The following BCAP31 variants were observed in gnomAD, a reference collection of about 807,000 sequenced individuals.
The protein encoded by BCAP31 is B-cell receptor-associated protein 31.
For missense variants in BCAP31, 124 were observed against 193.0 expected, an observed-to-expected ratio of 0.64 and a Z score of 2.12; for synonymous variants, 75 against 80.9, an observed-to-expected ratio of 0.93 and a Z score of 0.39.
In BCAP31 at chrX:153,721,468, G is replaced by A. The variant is rs1557051072; in HGVS notation, c.93-496C>T. ...AAAAAAAAAAAAGATGCTGGTCCACGTATAGATCAAAATGTCTGGAAAACT... is the reference window on the plus strand; with the variant it reads ...AAAAAAAAAAAAGATGCTGGTCCACATATAGATCAAAATGTCTGGAAAACT... On this transcript the variant is annotated intron_variant, in intron 2 of 7. Transcript: ENST00000345046. 3.0e-5 allele frequency among the ~76,000 whole-genome samples: 3 copies of A among 101,236 alleles called. 1 individual carries two copies. The highest frequency in any genetic ancestry group is 6.0e-5 in the Non-Finnish European group (3 of 49,856). The allele number at this position is 101,236 out of a possible 115,157, so 87.9% of individuals were successfully genotyped here.
At chrX:153,706,637 T>A (rs2091556791) in intron 4 of BCAP31, among the ~76,000 whole-genome samples, 1 of 112,807 alleles carries the variant, frequency 8.9e-6, no homozygotes, top group Non-Finnish European at 1.9e-5. Context: ...CCCAGACTCA[T>A]ACCTAACCTC....
At position 153,701,180 on chromosome X, in the gene BCAP31, G is replaced by T. The variant is rs1283736879; in HGVS notation, c.703-205C>A. Among the ~76,000 whole-genome samples, 3 of 112,417 alleles carry T rather than the reference G, an allele frequency of 2.7e-5. No individual in the cohort carries two copies. In the Admixed American group the frequency reaches 2.8e-4, roughly 10 times the overall value. ...AGCCCTGGCCCACGCTCTAGGGAAAGCCCTGGACCTAACGCCAGCCAGGGA... is the reference window on the plus strand; with the variant it reads ...AGCCCTGGCCCACGCTCTAGGGAAATCCCTGGACCTAACGCCAGCCAGGGA... On this transcript the variant is annotated intron_variant, in intron 7 of 7. Coordinates refer to ENST00000345046, the MANE Select transcript of BCAP31 (RefSeq NM_001256447.2).
At chrX:153,716,427 G>C (rs782326218) in intron 3 of BCAP31, among the ~76,000 whole-genome samples, 1 of 108,472 alleles carries the variant, frequency 9.2e-6, no homozygotes, top group Admixed American at 1.0e-4. Context: ...TGCCTGCTCC[G>C]GGGACCTAAG....
At position 153,723,189 on chromosome X, in the gene BCAP31, A is replaced by G. The variant is rs1557051447; in HGVS notation, c.56T>C (p.Val19Ala). ...AATGAAGGGAATGCAGAGAAGCAACACAACAAAGACCTCCGCATAGAGGAA... is the reference window on the plus strand; with the variant it reads ...AATGAAGGGAATGCAGAGAAGCAACGCAACAAAGACCTCCGCATAGAGGAA... ...ATFLYAEVFV[V>A]LLLCIPFISP... Residue 19 changes from valine (V) to alanine (A), a missense_variant, in exon 2 of 8, where the codon GTG becomes GCG. Coordinates refer to ENST00000345046, the MANE Select transcript of BCAP31 (RefSeq NM_001256447.2). The G allele has an allele frequency of 8.3e-7, 1 of 1,211,034 alleles. No individual in the cohort carries two copies. Among genetic ancestry groups the G allele is most frequent in the Admixed American group, 2.2e-5 (1 of 46,002 alleles).
intron 1 of BCAP31, chrX:153,723,687 G>A (rs782436464): frequency 8.7e-7 from 1 of 1,151,728 alleles, no homozygotes; most frequent in South Asian, 1.9e-5. Flanking sequence ...TCCCCGCCAG[G>A]CAGAACTCAG....
chrX:153,712,411 T>G, intron 4 of BCAP31, among the ~76,000 whole-genome samples: 1 of 7,626 alleles, frequency 1.3e-4, no homozygotes, highest in East Asian at 0.25. Context: ...TCAAAAAAAA[T>G]AAATAAATAA....
At chrX:153,711,167 GCGTCCTCGATTC>G (rs1557049100) in intron 4 of BCAP31, among the ~76,000 whole-genome samples, 2 of 17 alleles carry the variant, frequency 0.12, no homozygotes, top group Non-Finnish European at 0.18. Context: ...GCAGGGGGCT[GCGTCCTCGATTC>G]CGCAAGTCCA....
chrX:153,703,885 T>C (rs2091535790), intron 5 of BCAP31, 74 bp downstream of exon 5: 3 of 1,165,954 alleles, frequency 2.6e-6, no homozygotes, highest in Middle Eastern at 2.4e-4. Context: ...CAGTGGCCAC[T>C]GAGGCCCTGA....
chrX:153,723,705 G>A, intron 1 of BCAP31: 2 of 1,144,117 alleles, frequency 1.7e-6, no homozygotes, highest in Non-Finnish European at 2.3e-6. Context: ...CAGCCGCAGA[G>A]GCGGGCGCTC....
At chrX:153,723,011 C>A (rs1216117856) in intron 2 of BCAP31, 142 bp downstream of exon 2, 2 of 784,073 alleles carry the variant, frequency 2.6e-6, no homozygotes, top group African/African-American at 2.2e-5. Flanking sequence ...ACAAACACAA[C>A]CCCTGCCACC....
At chrX:153,721,740 A>AT (rs2091668476) in intron 2 of BCAP31, among the ~76,000 whole-genome samples, 1 of 106,792 alleles carries the variant, frequency 9.4e-6, no homozygotes, top group Non-Finnish European at 1.9e-5. Flanking sequence ...ATATATATAT[A>AT]AAAAAAAATT....
intron 4 of BCAP31, among the ~76,000 whole-genome samples, chrX:153,711,549 C>T (rs1557049151): frequency 1.8e-5 from 2 of 112,044 alleles, no homozygotes; most frequent in South Asian, 3.7e-4. Context: ...AGTACCTGCT[C>T]GCGCCATGAG....
At chrX:153,717,610 G>T (rs970029164) in intron 3 of BCAP31, among the ~76,000 whole-genome samples, 2 of 112,158 alleles carry the variant, frequency 1.8e-5, no homozygotes, top group African/African-American at 6.5e-5. Flanking sequence ...TGGTAGAGAC[G>T]GGGTTTCGCC....
intron 4 of BCAP31, among the ~76,000 whole-genome samples, chrX:153,713,025 G>C (rs1557049429): frequency 1.8e-5 from 2 of 111,419 alleles, no homozygotes; most frequent in Non-Finnish European, 1.9e-5. Context: ...GGCCAACATG[G>C]TGAAACCCCG....
intron 3 of BCAP31, among the ~76,000 whole-genome samples, chrX:153,717,032 A>G (rs1490226455): frequency 2.7e-5 from 3 of 112,604 alleles, no homozygotes; most frequent in Admixed American, 9.4e-5. Context: ...GTCACATTAC[A>G]CTGTTACCTG....
At chrX:153,710,922 T>G (rs1278726756) in intron 4 of BCAP31, among the ~76,000 whole-genome samples, 1 of 111,780 alleles carries the variant, frequency 8.9e-6, no homozygotes, top group Non-Finnish European at 1.9e-5. Flanking sequence ...GAATCCATCC[T>G]GCCAGCACAT....
intron 4 of BCAP31, among the ~76,000 whole-genome samples, chrX:153,713,711 T>A (rs1569540203): frequency 1.8e-5 from 2 of 109,975 alleles, no homozygotes; most frequent in African/African-American, 6.6e-5. Context: ...ATGCCACTCT[T>A]GCCCACCTGT....
At chrX:153,723,584 T>C (rs2091684257) in intron 1 of BCAP31, 1 of 1,168,005 alleles carries the variant, frequency 8.6e-7, no homozygotes, top group Admixed American at 2.6e-5. Context: ...AGCCCGAGAT[T>C]TCCGACGCCC....
intron 4 of BCAP31, among the ~76,000 whole-genome samples, chrX:153,713,080 G>A (rs890065605): frequency 1.8e-5 from 2 of 111,321 alleles, no homozygotes; most frequent in Non-Finnish European, 3.8e-5. Flanking sequence ...GGTGGCGGGC[G>A]CCTGTAGTCC....
Sources: allele counts gnomAD v4.1 joint callset (sites outside exome capture counted in the v4.1 genomes callset), GRCh38; gene constraint gnomAD v4.1.1; transcripts MANE v1.5; gene names NCBI Gene and HGNC (gene_info 2026-07-23, HGNC 2026-07-21).